YY1: variants seen among roughly 807,000 people sequenced by gnomAD.
YY1 encodes the protein YY1 transcription factor.
YY1 carries 2 observed loss-of-function variants against 35.6 expected under a neutral mutation model. The observed-to-expected ratio is 0.06, with a 90% CI of 0.02 to 0.18. The LOEUF (loss-of-function observed/expected upper bound fraction) is 0.18. Ranked by LOEUF, YY1 falls within the 10% of genes least tolerant of loss-of-function variation. The probability of loss-of-function intolerance (pLI) is 1.00; values close to 1 mark genes in which losing one functional copy is unlikely to be tolerated. For synonymous variants in YY1, 268 were observed against 238.9 expected (o/e 1.12, Z -1.12); for missense variants, 322 against 573.4 (o/e 0.56, Z 4.48).
Position 100,239,370 on chromosome 14 carries a change from C to CGAG in YY1, c.141_143dup (p.Glu47dup), listed in dbSNP as rs751492136. On this transcript the variant is annotated inframe_insertion, in exon 1 of 5. Transcript: ENST00000262238. Reference sequence around the variant, plus strand: ...AGACCATCGAGACCACAGTGGTGGGCGAGGAGGAGGAGGAGGACGACGACG... The same window carrying CGAG: ...AGACCATCGAGACCACAGTGGTGGGCGAGGAGGAGGAGGAGGAGGACGACGACG... 40 of 1,590,052 alleles carry CGAG rather than the reference C, an allele frequency of 2.5e-5. No homozygotes were observed. The highest frequency in any genetic ancestry group is 5.7e-5 in the South Asian group (5 of 88,112).
At chr14:100,242,620 C>T (rs1890767827) in intron 1 of YY1, among the ~76,000 whole-genome samples, 1 of 151,998 alleles carries the variant, frequency 6.6e-6, no homozygotes, top group East Asian at 1.9e-4. Flanking sequence ...GATCTCCTAA[C>T]CTCGTGATCC....
intron 1 of YY1, among the ~76,000 whole-genome samples, chr14:100,249,682 T>C (rs1890891443): frequency 6.6e-6 from 1 of 152,032 alleles, no homozygotes. Context: ...CAGAAGGTTC[T>C]GTTTTAGAAG....
At chr14:100,266,678 T>G (rs1891161392) in intron 2 of YY1, among the ~76,000 whole-genome samples, 1 of 151,908 alleles carries the variant, frequency 6.6e-6, no homozygotes, top group African/African-American at 2.4e-5. Context: ...AACCCAAAAG[T>G]TTCAGTAAGA....
chr14:100,272,211 G>T (rs1891248879), intron 2 of YY1, among the ~76,000 whole-genome samples: 1 of 151,732 alleles, frequency 6.6e-6, no homozygotes, highest in Non-Finnish European at 1.5e-5. Flanking sequence ...CAGGAGAATG[G>T]CATGAACCTG....
chr14:100,243,804 CAAA>C (rs60629986), intron 1 of YY1, among the ~76,000 whole-genome samples: 6 of 121,990 alleles, frequency 4.9e-5, no homozygotes, highest in Non-Finnish European at 8.9e-5. Context: ...GAGACACTGT[CAAA>C]AAAAAAAAAA....
At chr14:100,252,902 G>A (rs748671847) in intron 1 of YY1, among the ~76,000 whole-genome samples, 4 of 152,114 alleles carry the variant, frequency 2.6e-5, no homozygotes, top group Admixed American at 6.6e-5. Context: ...ACTGGGTGTG[G>A]TGGTGTGGTG....
intron 3 of YY1, chr14:100,275,674 G>A (rs1192924082): frequency 6.6e-6 from 1 of 152,124 alleles, no homozygotes; most frequent in Non-Finnish European, 1.5e-5. Flanking sequence ...TTTTCTAAAT[G>A]GAAATTCAAC....
Position 100,262,477 on chromosome 14 carries a change from A to C in YY1, c.842+11A>C. 6.2e-7 allele frequency: 1 copy of C among 1,613,950 alleles called. No homozygotes were observed. The highest frequency in any genetic ancestry group is 8.5e-7 in the Non-Finnish European group (1 of 1,179,912). On this transcript the variant is annotated intron_variant, in intron 2 of 4. Transcript: ENST00000262238. ...GGCAGAATTTGCTAGGTAAGTTATA[A>C]GAACTTTCCTTTCTTTTAATTATAG...
In YY1 at chr14:100,249,760, G is replaced by GTTTTTTTTTTT. The variant is rs34925666; in HGVS notation, c.679+9840_679+9841insTTTTTTTTTTT. Among the ~76,000 whole-genome samples the GTTTTTTTTTTT allele has an allele frequency of 4.9e-5, 7 of 143,008 alleles. 2 individuals carry two copies. Among genetic ancestry groups the GTTTTTTTTTTT allele is most frequent in the African/African-American group, 1.9e-4 (7 of 37,792 alleles). The allele number at this position is 143,008 out of a possible 152,430, so 93.8% of individuals were successfully genotyped here. On this transcript the variant is annotated intron_variant, in intron 1 of 4. Transcript: ENST00000262238. ...TTTGCTACTTACCGTTTTTTTTTTT[G>GTTTTTTTTTTT]TTTGTTTTTGTTTTTGTTTTTGTTT...
At chr14:100,273,875 A>C (rs1437718664) in intron 2 of YY1, among the ~76,000 whole-genome samples, 2 of 152,210 alleles carry the variant, frequency 1.3e-5, no homozygotes, top group Admixed American at 6.5e-5. Flanking sequence ...TCAGTGGAGA[A>C]GCAGGTAGGT....
rs77639686 is a variant in YY1 at position 100,252,748 on chromosome 14, C to G, written c.680-9556C>G. Reference sequence around the variant, plus strand: ...CTTAAGTTATATTGGTTAAAGAAACCCATTGCAGGCCAGGCATGGTGGCTC... The same window carrying G: ...CTTAAGTTATATTGGTTAAAGAAACGCATTGCAGGCCAGGCATGGTGGCTC... On this transcript the variant is annotated intron_variant, in intron 1 of 4. Coordinates refer to ENST00000262238, the MANE Select transcript of YY1 (RefSeq NM_003403.5). Among the ~76,000 whole-genome samples, 1,108 of 152,180 alleles carry G rather than the reference C, an allele frequency of 7.3e-3. 14 individuals are homozygous for G. Among genetic ancestry groups the G allele is most frequent in the African/African-American group, 0.026 (1,061 of 41,502 alleles).
At chr14:100,250,698 GCTGT>G (rs998366069) in intron 1 of YY1, among the ~76,000 whole-genome samples, 1 of 152,290 alleles carries the variant, frequency 6.6e-6, no homozygotes, top group East Asian at 1.9e-4. Context: ...ATTTCACAGT[GCTGT>G]CTTAGAGATG....
chr14:100,241,258 A>G (rs1890736689), intron 1 of YY1, among the ~76,000 whole-genome samples: 3 of 152,240 alleles, frequency 2.0e-5, no homozygotes, highest in South Asian at 2.1e-4. Flanking sequence ...CCTCTTCCCT[A>G]TAAGTACTTT....
intron 2 of YY1, among the ~76,000 whole-genome samples, chr14:100,271,566 T>C (rs1891239089): frequency 1.3e-5 from 2 of 152,212 alleles, no homozygotes; most frequent in Admixed American, 1.3e-4. Context: ...GGGTTTTGCA[T>C]ATGCATAATG....
chr14:100,279,882 A>G lies in YY1; in HGVS notation c.*2282A>G, dbSNP rs1199258843. The G allele has an allele frequency of 6.6e-6, 1 of 152,300 alleles. No homozygotes were observed. The highest frequency in any genetic ancestry group is 2.1e-4 in the South Asian group (1 of 4,826). The allele number at this position is 152,300 out of a possible 1,614,324, so 9.4% of individuals were successfully genotyped here. A position where few individuals can be genotyped will look rare whatever the true frequency, so the allele number is the denominator to read the frequency against. ...TGCTGGCAGCCCCGAGAGCCATGCCATGGCCTGCAGGAGCCAGGCTCCTGT... is the reference window on the plus strand; with the variant it reads ...TGCTGGCAGCCCCGAGAGCCATGCCGTGGCCTGCAGGAGCCAGGCTCCTGT... On this transcript the variant is annotated 3_prime_UTR_variant, in exon 5 of 5. Transcript: ENST00000262238.
intron 1 of YY1, among the ~76,000 whole-genome samples, chr14:100,243,782 C>G (rs374791011): frequency 6.8e-6 from 1 of 146,234 alleles, no homozygotes; most frequent in African/African-American, 2.6e-5. Context: ...GTACTCCAGC[C>G]TAGGTGACAG....
intron 1 of YY1, among the ~76,000 whole-genome samples, chr14:100,244,768 C>T (rs1310480924): frequency 1.3e-5 from 2 of 151,828 alleles, no homozygotes; most frequent in East Asian, 3.9e-4. Flanking sequence ...CCTTATGTTG[C>T]CCAGGCTGGT....
intron 2 of YY1, among the ~76,000 whole-genome samples, chr14:100,263,042 G>C (rs918891873): frequency 9.2e-5 from 14 of 152,162 alleles, no homozygotes; most frequent in African/African-American, 3.4e-4. Flanking sequence ...CAAGTAGCTG[G>C]GATTACATGC....
chr14:100,278,312 A>G lies in YY1; in HGVS notation c.*712A>G, dbSNP rs539290977. On this transcript the variant is annotated 3_prime_UTR_variant, in exon 5 of 5. Coordinates refer to ENST00000262238, the MANE Select transcript of YY1 (RefSeq NM_003403.5). ...CCCATTTTAGTCACTTTTTTTTTCC[A>G]AAAAAATACTGCCAGATGCTGATGT... is the stretch of plus-strand genomic sequence containing the variant. 2.7e-5 allele frequency: 4 copies of G among 150,348 alleles called. No homozygotes were observed. In the East Asian group the frequency reaches 7.8e-4, roughly 29 times the overall value. 9.3% of individuals were successfully genotyped at this position (150,348 alleles called of 1,614,324 possible). A position where few individuals can be genotyped will look rare whatever the true frequency, so the allele number is the denominator to read the frequency against.
Sources: allele counts gnomAD v4.1 joint callset (sites outside exome capture counted in the v4.1 genomes callset), GRCh38; gene constraint gnomAD v4.1.1; transcripts MANE v1.5; gene names NCBI Gene and HGNC (gene_info 2026-07-23, HGNC 2026-07-21).